Variants in NLGN1 observed in about 807,000 individuals in gnomAD.
NLGN1 encodes neuroligin 1.
A neutral mutation model predicts 65.5 loss-of-function variants in NLGN1; 12 were observed. The observed-to-expected ratio is 0.18, with a 90% CI of 0.12 to 0.30. The LOEUF (loss-of-function observed/expected upper bound fraction) is 0.30. Ranked by LOEUF, NLGN1 falls within the 10% of genes least tolerant of loss-of-function variation. NLGN1 has a pLI of 1.00. For synonymous variants in NLGN1, 350 were observed against 359.5 expected (o/e 0.97, Z 0.30); for missense variants, 750 against 1,007.1 (o/e 0.74, Z 3.46).
chr3:174,231,908 A>G (rs1403569078), intron 4 of NLGN1, among the ~76,000 whole-genome samples: 1 of 152,232 alleles, frequency 6.6e-6, no homozygotes, highest in Non-Finnish European at 1.5e-5. Context: ...GAAGTTACAT[A>G]TCCCTTAACT....
chr3:174,244,728 A>G (rs192269254), intron 4 of NLGN1, among the ~76,000 whole-genome samples: 2 of 152,318 alleles, frequency 1.3e-5, no homozygotes, highest in East Asian at 3.9e-4. Context: ...AAGTGTTGCT[A>G]GTTTCTGACC....
chr3:173,785,292 C>T (rs531882020), intron 3 of NLGN1, among the ~76,000 whole-genome samples: 7 of 152,166 alleles, frequency 4.6e-5, no homozygotes, highest in Non-Finnish European at 8.8e-5. Context: ...TTCTAGTGAG[C>T]ACATTTCTCT....
intron 4 of NLGN1, among the ~76,000 whole-genome samples, chr3:174,191,878 G>C (rs1202637542): frequency 6.6e-6 from 1 of 152,050 alleles, no homozygotes; most frequent in Non-Finnish European, 1.5e-5. Context: ...TTTGAGCTTT[G>C]CACCTATCTA....
intron 4 of NLGN1, among the ~76,000 whole-genome samples, chr3:173,818,964 G>A (rs562686091): frequency 9.3e-5 from 12 of 129,678 alleles, no homozygotes; most frequent in African/African-American, 3.6e-4. Flanking sequence ...CTGGTGTCAT[G>A]ATCTTTGATG....
At chr3:173,468,513 A>G (rs549953846) in intron 2 of NLGN1, among the ~76,000 whole-genome samples, 40 of 152,208 alleles carry the variant, frequency 2.6e-4, no homozygotes, top group African/African-American at 9.1e-4. Context: ...TCAAATACAC[A>G]AATCTGAATG....
At chr3:173,482,622 G>C (rs543685944) in intron 2 of NLGN1, among the ~76,000 whole-genome samples, 1 of 151,556 alleles carries the variant, frequency 6.6e-6, no homozygotes, top group Non-Finnish European at 1.5e-5. Flanking sequence ...CATTTCTCTC[G>C]GAGGCTATTT....
chr3:173,798,438 T>G (rs1372261314), intron 3 of NLGN1, among the ~76,000 whole-genome samples: 2 of 152,090 alleles, frequency 1.3e-5, no homozygotes, highest in East Asian at 3.9e-4. Context: ...TTGGAAATAT[T>G]TTAAATATAA....
intron 2 of NLGN1, among the ~76,000 whole-genome samples, chr3:173,506,329 T>C (rs114066367): frequency 0.024 from 3,625 of 152,230 alleles, 55 homozygotes; most frequent in Middle Eastern, 0.048. Context: ...AATAAAACTT[T>C]CTGCAACTCT....
chr3:173,900,366 C>T (rs1737117181), intron 4 of NLGN1, among the ~76,000 whole-genome samples: 1 of 151,908 alleles, frequency 6.6e-6, no homozygotes, highest in African/African-American at 2.4e-5. Flanking sequence ...GTGAATATAC[C>T]CTAATATCAT....
chr3:173,517,807 C>CA (rs1734096516), intron 2 of NLGN1, among the ~76,000 whole-genome samples: 2 of 145,590 alleles, frequency 1.4e-5, no homozygotes, highest in African/African-American at 2.5e-5. Flanking sequence ...TCTATCATAT[C>CA]TATCTGTCAT....
intron 4 of NLGN1, among the ~76,000 whole-genome samples, chr3:174,219,041 A>G (rs577581692): frequency 6.6e-6 from 1 of 152,096 alleles, no homozygotes; most frequent in Non-Finnish European, 1.5e-5. Flanking sequence ...CCCTCATTTT[A>G]AAATAAGGAC....
chr3:173,562,558 T>G (rs1054109906), intron 2 of NLGN1, among the ~76,000 whole-genome samples: 3 of 151,476 alleles, frequency 2.0e-5, no homozygotes, highest in Non-Finnish European at 4.4e-5. Context: ...AGAGCAAGAT[T>G]GTCTAAAAAA....
chr3:173,908,234 A>G (rs1738859736), intron 4 of NLGN1, among the ~76,000 whole-genome samples: 1 of 152,230 alleles, frequency 6.6e-6, no homozygotes, highest in Non-Finnish European at 1.5e-5. Flanking sequence ...ACACGTATCT[A>G]GTGGTTCTTA....
intron 3 of NLGN1, among the ~76,000 whole-genome samples, chr3:173,633,136 G>A (rs887965378): frequency 4.6e-5 from 7 of 152,080 alleles, no homozygotes; most frequent in African/African-American, 1.7e-4. Flanking sequence ...TTTGGGACAA[G>A]GAGACTTTGT....
intron 3 of NLGN1, among the ~76,000 whole-genome samples, chr3:173,610,047 G>A (rs772888179): frequency 4.0e-5 from 6 of 151,892 alleles, no homozygotes; most frequent in African/African-American, 7.2e-5. Flanking sequence ...TGTATTGAGA[G>A]TAGGTTGTAG....
intron 2 of NLGN1, among the ~76,000 whole-genome samples, chr3:173,569,117 T>C (rs1007701725): frequency 1.3e-5 from 2 of 152,218 alleles, no homozygotes; most frequent in African/African-American, 4.8e-5. Context: ...ACACTAATAA[T>C]GTGTTAGTTT....
At chr3:173,813,859 T>G (rs1017294991) in intron 4 of NLGN1, among the ~76,000 whole-genome samples, 1 of 152,240 alleles carries the variant, frequency 6.6e-6, no homozygotes, top group Non-Finnish European at 1.5e-5. Flanking sequence ...ACAGAAGAAT[T>G]TATCATATGG....
chr3:173,761,191 A>G (rs1184708481), intron 3 of NLGN1, among the ~76,000 whole-genome samples: 1 of 152,032 alleles, frequency 6.6e-6, no homozygotes, highest in Non-Finnish European at 1.5e-5. Context: ...TTCAATACTT[A>G]TATTACCATA....
intron 2 of NLGN1, among the ~76,000 whole-genome samples, chr3:173,599,557 A>G (rs1329009331): frequency 1.3e-5 from 2 of 152,130 alleles, no homozygotes; most frequent in Non-Finnish European, 2.9e-5. Context: ...AAGTTTCACC[A>G]CACTCTGCTG....
Sources: gnomAD v4.1 joint callset for allele counts (sites outside exome capture counted in the v4.1 genomes callset) on GRCh38, gnomAD v4.1.1 for gene constraint, MANE v1.5 for transcripts, NCBI Gene and HGNC (gene_info 2026-07-23, HGNC 2026-07-21) for gene names.